Variants in MGLL observed in about 807,000 individuals in gnomAD.
The protein encoded by MGLL is lysophospholipase homolog.
A neutral mutation model predicts 29.1 loss-of-function variants in MGLL; 7 were observed. The ratio of observed to expected loss-of-function variants is 0.24; its 90% confidence interval spans 0.14 to 0.45. MGLL has a LOEUF of 0.45. Among genes scored for constraint, MGLL ranks in the 20% least tolerant of loss-of-function variants. The pLI, the probability that MGLL is intolerant of heterozygous loss-of-function variation, is 0.99. For missense variants in MGLL, 356 were observed against 413.6 expected (o/e 0.86, Z 1.21); for synonymous variants, 148 against 168.3 (o/e 0.88, Z 0.93).
chr3:127,759,971 C>G (rs2076734242), intron 3 of MGLL, among the ~76,000 whole-genome samples: 1 of 152,208 alleles, frequency 6.6e-6, no homozygotes, highest in African/African-American at 2.4e-5. Context: ...GGCAGCTGGC[C>G]CCTGCCTCTC....
intron 3 of MGLL, among the ~76,000 whole-genome samples, chr3:127,748,196 T>C (rs2076484672): frequency 6.6e-6 from 1 of 152,118 alleles, no homozygotes; most frequent in Non-Finnish European, 1.5e-5. Flanking sequence ...CATAAAAGCA[T>C]GCCTACCCAG....
intron 2 of MGLL, 74 bp downstream of exon 2, chr3:127,821,620 C>T: frequency 6.4e-7 from 1 of 1,568,760 alleles, no homozygotes; most frequent in South Asian, 1.1e-5. Flanking sequence ...CCAGATGGCA[C>T]ATGATAACGA....
At chr3:127,710,408 T>C (rs2075688052) in intron 6 of MGLL, among the ~76,000 whole-genome samples, 168 bp downstream of exon 6, 3 of 152,158 alleles carry the variant, frequency 2.0e-5, no homozygotes, top group Admixed American at 2.0e-4. Context: ...CCCACCCTTT[T>C]CACCCAAACC....
intron 6 of MGLL, among the ~76,000 whole-genome samples, chr3:127,699,776 T>C (rs2075443061): frequency 6.6e-6 from 1 of 152,188 alleles, no homozygotes; most frequent in Non-Finnish European, 1.5e-5. Context: ...GAATGGTCCC[T>C]GATGAGGACC....
At chr3:127,783,446 C>G (rs1302477820) in intron 2 of MGLL, among the ~76,000 whole-genome samples, 1 of 152,194 alleles carries the variant, frequency 6.6e-6, no homozygotes, top group Non-Finnish European at 1.5e-5. Context: ...ACCTTGACAT[C>G]AGCCCACAAC....
chr3:127,779,562 C>T (rs762740905), intron 3 of MGLL, among the ~76,000 whole-genome samples: 2 of 151,710 alleles, frequency 1.3e-5, no homozygotes, highest in Non-Finnish European at 2.9e-5. Flanking sequence ...CAGGACCTTA[C>T]ATAACCTCAG....
chr3:127,701,239 CACCAACAACAAT>C (rs1469635355), intron 6 of MGLL, among the ~76,000 whole-genome samples: 15 of 83,640 alleles, frequency 1.8e-4, no homozygotes, highest in African/African-American at 1.1e-3. Context: ...AAAAAGCCAC[CACCAACAACAAT>C]AGCAACAACA....
intron 2 of MGLL, among the ~76,000 whole-genome samples, chr3:127,810,578 A>G (rs1200548281): frequency 6.6e-6 from 1 of 152,202 alleles, no homozygotes; most frequent in Non-Finnish European, 1.5e-5. Flanking sequence ...GACAACATCC[A>G]TGGTGTATGG....
At position 127,755,519 on chromosome 3, in the gene MGLL, G is replaced by A. The variant is rs1040033600; in HGVS notation, c.262+26270C>T. On this transcript the variant is annotated intron_variant, in intron 3 of 7. Coordinates refer to ENST00000265052, the MANE Select transcript of MGLL (RefSeq NM_007283.7). ...AGAAGGTTGCTTATGAATGCGTGTG[G>A]GTGGGAGGTGCACGGTCACAAGGGC... 9.9e-5 allele frequency among the ~76,000 whole-genome samples: 15 copies of A among 152,126 alleles called. 1 individual carries two copies. Among genetic ancestry groups the A allele is most frequent in the African/African-American group, 3.6e-4 (15 of 41,416 alleles).
At chr3:127,714,885 G>C (rs143620305) in intron 5 of MGLL, among the ~76,000 whole-genome samples, 1 of 152,226 alleles carries the variant, frequency 6.6e-6, no homozygotes, top group African/African-American at 2.4e-5. Context: ...GGAACCGCCT[G>C]TACTGTTCTG....
At position 127,692,054 on chromosome 3, in the gene MGLL, A is replaced by AT; in HGVS notation, c.*143dup. 8.6e-7 allele frequency: 1 copy of AT among 1,165,856 alleles called. No individual in the cohort carries two copies. Among genetic ancestry groups the AT allele is most frequent in the Non-Finnish European group, 1.2e-6 (1 of 848,226 alleles). The allele number at this position is 1,165,856 out of a possible 1,614,324, so 72.2% of individuals were successfully genotyped here. A position where few individuals can be genotyped will look rare whatever the true frequency, so the allele number is the denominator to read the frequency against. The stretch of plus-strand genomic sequence containing the variant: ...CTAATGTATAACAAAAATGTCTGTT[A>AT]TTTTTTAGAAAATTGTGCTAAGGAT... On this transcript the variant is annotated 3_prime_UTR_variant, in exon 8 of 8. Transcript: ENST00000265052.
At chr3:127,750,855 T>A (rs1180235048) in intron 3 of MGLL, among the ~76,000 whole-genome samples, 1 of 152,188 alleles carries the variant, frequency 6.6e-6, no homozygotes, top group African/African-American at 2.4e-5. Context: ...ACCAGCTGGC[T>A]CTGAATCAGC....
intron 2 of MGLL, among the ~76,000 whole-genome samples, chr3:127,809,742 A>C (rs2077629364): frequency 6.6e-6 from 1 of 152,130 alleles, no homozygotes; most frequent in Non-Finnish European, 1.5e-5. Context: ...CTCTGCAATG[A>C]CAGAGTTCAT....
chr3:127,729,577 A>G (rs1045199935), intron 3 of MGLL, among the ~76,000 whole-genome samples: 5 of 152,214 alleles, frequency 3.3e-5, no homozygotes, highest in African/African-American at 1.2e-4. Flanking sequence ...AACACTATCT[A>G]TAAGAAGTTC....
Position 127,695,190 on chromosome 3 carries a change from C to G in MGLL, c.601G>C (p.Val201Leu). 1 of 1,613,626 alleles carries G rather than the reference C, an allele frequency of 6.2e-7. No homozygotes were observed. Among genetic ancestry groups the G allele is most frequent in the Non-Finnish European group, 8.5e-7 (1 of 1,179,738 alleles). ...AGGGGGTCTGAGTTATAAATGTCGA[C>G]CTGGAGGAAGAAGGAGAGGGTTCCA... Reference protein sequence around the residue: ...SSVLSRNKTEVDIYNSDPLIC... With the variant: ...SSVLSRNKTELDIYNSDPLIC... Residue 201 changes from valine (V) to leucine (L), a missense_variant and splice_region_variant, in exon 7 of 8, where the codon GTC becomes CTC. Coordinates refer to ENST00000265052, the MANE Select transcript of MGLL (RefSeq NM_007283.7).
At chr3:127,738,719 G>A (rs2076286833) in intron 3 of MGLL, among the ~76,000 whole-genome samples, 1 of 152,214 alleles carries the variant, frequency 6.6e-6, no homozygotes. Context: ...GAGCACTCCT[G>A]AGTACCAAGC....
At chr3:127,707,244 C>T (rs529802255) in intron 6 of MGLL, among the ~76,000 whole-genome samples, 4 of 152,258 alleles carry the variant, frequency 2.6e-5, no homozygotes, top group Admixed American at 2.0e-4. Context: ...ATGGCCTCTG[C>T]CTCCCGCCTC....
At chr3:127,722,838 G>A (rs983502335) in intron 3 of MGLL, among the ~76,000 whole-genome samples, 5 of 152,196 alleles carry the variant, frequency 3.3e-5, no homozygotes, top group African/African-American at 9.7e-5. Flanking sequence ...GGCTCCCTTG[G>A]GGGTGGTTTC....
intron 3 of MGLL, among the ~76,000 whole-genome samples, chr3:127,766,461 T>C (rs1026728557): frequency 6.6e-6 from 1 of 152,234 alleles, no homozygotes; most frequent in East Asian, 1.9e-4. Flanking sequence ...CTTTTCTCCT[T>C]ACAATCTGCC....
Sources: gnomAD v4.1 joint callset for allele counts (sites outside exome capture counted in the v4.1 genomes callset) on GRCh38, gnomAD v4.1.1 for gene constraint, MANE v1.5 for transcripts, NCBI Gene and HGNC (gene_info 2026-07-23, HGNC 2026-07-21) for gene names.